ADAMTS6: variants seen among roughly 807,000 people sequenced by gnomAD.
ADAMTS6 encodes the protein A disintegrin and metalloproteinase with thrombospondin motifs 6.
Under a neutral mutation model 144.3 loss-of-function variants are expected in ADAMTS6, and 23 were observed. The ratio of observed to expected loss-of-function variants is 0.16; its 90% CI spans 0.11 to 0.23. ADAMTS6 has a LOEUF of 0.23. Among genes scored for constraint, ADAMTS6 ranks in the 10% least tolerant of loss-of-function variants. The pLI is 1.00. For missense variants in ADAMTS6, 999 were observed against 1,379.6 expected (o/e 0.72, Z 4.37); for synonymous variants, 444 against 457.5 (o/e 0.97, Z 0.38).
At chr5:65,262,778 G>A in intron 13 of ADAMTS6, 39 bp downstream of exon 13, 2 of 1,473,248 alleles carry the variant, frequency 1.4e-6, no homozygotes, top group Non-Finnish European at 1.8e-6. Flanking sequence ...ATTTCCAACT[G>A]TGTCTTTTTG....
At chr5:65,413,091 CTT>C (rs1755193613) in intron 7 of ADAMTS6, among the ~76,000 whole-genome samples, 1 of 152,134 alleles carries the variant, frequency 6.6e-6, no homozygotes, top group Non-Finnish European at 1.5e-5. Flanking sequence ...AAGAACTTGT[CTT>C]TTTGATCAAT....
chr5:65,205,571 G>A (rs1446451850), intron 20 of ADAMTS6, among the ~76,000 whole-genome samples: 2 of 152,068 alleles, frequency 1.3e-5, no homozygotes, highest in African/African-American at 4.8e-5. Flanking sequence ...TCAACATTAT[G>A]CTTTGTTGTA....
At chr5:65,418,504 C>T (rs1755738513) in intron 7 of ADAMTS6, among the ~76,000 whole-genome samples, 1 of 152,138 alleles carries the variant, frequency 6.6e-6, no homozygotes, top group Non-Finnish European at 1.5e-5. Context: ...TGGAAATAGG[C>T]AGCTGTAGAA....
intron 22 of ADAMTS6, among the ~76,000 whole-genome samples, chr5:65,176,081 T>C (rs748144667): frequency 1.3e-5 from 2 of 151,834 alleles, no homozygotes; most frequent in Non-Finnish European, 2.9e-5. Context: ...AGAAGTTCGC[T>C]TTGGAAAAGA....
At chr5:65,469,060 T>C (rs1440912736) in intron 3 of ADAMTS6, among the ~76,000 whole-genome samples, 1 of 152,230 alleles carries the variant, frequency 6.6e-6, no homozygotes, top group Non-Finnish European at 1.5e-5. Context: ...CCATCTTCAA[T>C]TGCTTTCTCT....
At chr5:65,179,950 ACG>A (rs1754235620) in intron 22 of ADAMTS6, among the ~76,000 whole-genome samples, 1 of 94,012 alleles carries the variant, frequency 1.1e-5, no homozygotes, top group African/African-American at 3.6e-5. Context: ...ACACATGTGC[ACG>A]CACGCGCACA....
intron 7 of ADAMTS6, among the ~76,000 whole-genome samples, chr5:65,367,283 A>C (rs2150112964): frequency 6.6e-6 from 1 of 152,294 alleles, no homozygotes; most frequent in South Asian, 2.1e-4. Context: ...TATTAATCTT[A>C]AAAGAGCATT....
chr5:65,459,332 G>A (rs976055675), intron 4 of ADAMTS6, among the ~76,000 whole-genome samples: 2 of 152,008 alleles, frequency 1.3e-5, no homozygotes, highest in African/African-American at 4.8e-5. Context: ...AATCCTTTCA[G>A]TGGGTTTCTA....
intron 3 of ADAMTS6, among the ~76,000 whole-genome samples, chr5:65,464,637 T>C (rs1338156430): frequency 1.3e-5 from 2 of 152,210 alleles, no homozygotes; most frequent in Non-Finnish European, 2.9e-5. Flanking sequence ...ACTAATGACA[T>C]AGATGGTCTC....
intron 22 of ADAMTS6, among the ~76,000 whole-genome samples, chr5:65,182,181 C>T (rs1015798186): frequency 6.6e-6 from 1 of 151,992 alleles, no homozygotes; most frequent in Admixed American, 6.6e-5. Flanking sequence ...TGCGGTGGCT[C>T]ACGCCTGTGA....
chr5:65,221,560 T>C (rs1316947599), intron 18 of ADAMTS6, among the ~76,000 whole-genome samples: 3 of 152,184 alleles, frequency 2.0e-5, no homozygotes, highest in Non-Finnish European at 4.4e-5. Context: ...CAACAAGGAA[T>C]GATTTGCCCT....
intron 24 of ADAMTS6, among the ~76,000 whole-genome samples, chr5:65,157,231 T>G (rs1426046570): frequency 1.3e-5 from 2 of 152,234 alleles, no homozygotes; most frequent in African/African-American, 4.8e-5. Context: ...AACACATGAA[T>G]CTACTTAACA....
chr5:65,436,773 G>A (rs1259485253), intron 7 of ADAMTS6, among the ~76,000 whole-genome samples: 1 of 151,824 alleles, frequency 6.6e-6, no homozygotes, highest in Non-Finnish European at 1.5e-5. Flanking sequence ...CAGGAGAATT[G>A]CTTGAACCCA....
At chr5:65,285,386 T>C in intron 11 of ADAMTS6, among the ~76,000 whole-genome samples, 1 of 152,172 alleles carries the variant, frequency 6.6e-6, no homozygotes, top group East Asian at 1.9e-4. Context: ...ATAACTCTTC[T>C]CACTCATCTA....
chr5:65,264,263 T>A (rs1761436079), intron 12 of ADAMTS6, among the ~76,000 whole-genome samples: 1 of 152,164 alleles, frequency 6.6e-6, no homozygotes, highest in South Asian at 2.1e-4. Context: ...AACAGTAGAT[T>A]TAGTGATCTA....
chr5:65,313,128 A>AACAC (rs61525269), intron 9 of ADAMTS6, among the ~76,000 whole-genome samples: 7,840 of 135,702 alleles, frequency 0.058, 239 homozygotes, highest in Middle Eastern at 0.11. Context: ...TTATTTCTGC[A>AACAC]ACACACACAC....
rs138452575 is a variant in ADAMTS6, at chr5:65,422,911, T to A, written c.1073+28564A>T. 3.6e-3 allele frequency among the ~76,000 whole-genome samples: 552 copies of A among 152,198 alleles called. 3 individuals carry two copies. Among genetic ancestry groups the A allele is most frequent in the African/African-American group, 0.012 (509 of 41,546 alleles). On this transcript the variant is annotated intron_variant, in intron 7 of 24. Coordinates refer to ENST00000381055, the MANE Select transcript of ADAMTS6 (RefSeq NM_197941.4). Reference sequence around the variant, plus strand: ...AACAAGCCTAAGTTCTAAGTTCCCATCAAACGATGAATGGATTAAGAAAAT... The same window carrying A: ...AACAAGCCTAAGTTCTAAGTTCCCAACAAACGATGAATGGATTAAGAAAAT...
intron 7 of ADAMTS6, among the ~76,000 whole-genome samples, chr5:65,431,302 A>G (rs537196921): frequency 9.2e-5 from 14 of 152,162 alleles, no homozygotes; most frequent in South Asian, 2.1e-4. Flanking sequence ...TTGATGCCAT[A>G]TTGTATCATT....
intron 7 of ADAMTS6, among the ~76,000 whole-genome samples, chr5:65,448,087 T>C (rs915873444): frequency 1.3e-5 from 2 of 150,290 alleles, no homozygotes; most frequent in African/African-American, 4.9e-5. Flanking sequence ...AATAATTATA[T>C]AGAACATAGT....
Sources: gnomAD v4.1 joint callset for allele counts (sites outside exome capture counted in the v4.1 genomes callset) on GRCh38, gnomAD v4.1.1 for gene constraint, MANE v1.5 for transcripts, NCBI Gene and HGNC (gene_info 2026-07-23, HGNC 2026-07-21) for gene names.